DUSP22: variants seen among roughly 807,000 people sequenced by gnomAD.
DUSP22 encodes dual specificity phosphatase 22, also known as dual specificity protein phosphatase 22.
Under a neutral mutation model 24.5 loss-of-function variants are expected in DUSP22, and 24 were observed. That is an observed-to-expected ratio of 0.98 (90% CI 0.71 to 1.38). The LOEUF is 1.38. DUSP22 is among the 40% of genes most tolerant of loss of function. DUSP22 has a pLI of 0.00. For missense variants in DUSP22, 330 were observed against 269.2 expected, an observed-to-expected ratio of 1.23 and a Z score of -1.58; for synonymous variants, 160 against 106.4, an observed-to-expected ratio of 1.50 and a Z score of -3.10.
intron 3 of DUSP22, among the ~76,000 whole-genome samples, chr6:329,556 G>A (rs1365229627): frequency 1.3e-5 from 2 of 152,294 alleles, no homozygotes; most frequent in Non-Finnish European, 2.9e-5. Flanking sequence ...GGGTTCAAGC[G>A]ATTCTCCTGC....
At chr6:342,837 G>T (rs979260963) in intron 4 of DUSP22, among the ~76,000 whole-genome samples, 1 of 152,430 alleles carries the variant, frequency 6.6e-6, no homozygotes, top group Middle Eastern at 3.4e-3. Flanking sequence ...GGACAGAGCT[G>T]CAGGAAGACA....
At chr6:292,623 C>T in intron 1 of DUSP22, 63 bp downstream of exon 1, 3 of 1,557,654 alleles carry the variant, frequency 1.9e-6, no homozygotes, top group Non-Finnish European at 2.6e-6. Context: ...GTCTCGCCGG[C>T]GTCGGCTGCC....
At chr6:292,841 T>A (rs1467560103) in intron 1 of DUSP22, among the ~76,000 whole-genome samples, 1 of 152,294 alleles carries the variant, frequency 6.6e-6, no homozygotes, top group Non-Finnish European at 1.5e-5. Context: ...TTGAAAGCGT[T>A]GACACTTGTT....
At chr6:295,360 G>A (rs537365907) in intron 1 of DUSP22, among the ~76,000 whole-genome samples, 246 of 152,306 alleles carry the variant, frequency 1.6e-3, no homozygotes, top group African/African-American at 5.6e-3. Context: ...TCTTCTTGTC[G>A]GTCCGTTCCG....
intron 3 of DUSP22, among the ~76,000 whole-genome samples, chr6:333,309 G>C (rs1759216495): frequency 6.6e-6 from 1 of 152,294 alleles, no homozygotes; most frequent in Non-Finnish European, 1.5e-5. Flanking sequence ...AGCCCATTTG[G>C]TCTTAAGTGA....
intron 3 of DUSP22, among the ~76,000 whole-genome samples, chr6:324,075 C>G (rs919525998): frequency 6.6e-6 from 1 of 152,302 alleles, no homozygotes. Flanking sequence ...AAAAACTGTT[C>G]CTTTAAGCTG....
intron 3 of DUSP22, among the ~76,000 whole-genome samples, chr6:329,859 C>T (rs1335777086): frequency 6.6e-6 from 1 of 152,186 alleles, no homozygotes; most frequent in African/African-American, 2.4e-5. Flanking sequence ...GTGTTACAAG[C>T]TGTGACCTTG....
chr6:310,752 C>T (rs1440648149), intron 2 of DUSP22, among the ~76,000 whole-genome samples: 2 of 152,280 alleles, frequency 1.3e-5, no homozygotes, highest in African/African-American at 4.8e-5. Flanking sequence ...TTTAAATATC[C>T]CTAATATTAT....
rs1003371051 is a variant in DUSP22 at position 351,002 on chromosome 6, G to A, written c.*2051G>A. On this transcript the variant is annotated 3_prime_UTR_variant, in exon 7 of 7. Transcript: ENST00000419235. The stretch of plus-strand genomic sequence containing the variant: ...TTTTCATTTGAAGCTGAATATATAC[G>A]TAGTCATGTTTATGTTGAGAACTAA... The A allele has an allele frequency of 1.3e-4, 169 of 1,266,944 alleles. No individual in the cohort carries two copies. The highest frequency in any genetic ancestry group is 1.7e-4 in the Non-Finnish European group (149 of 883,782). The allele number at this position is 1,266,944 out of a possible 1,614,324, so 78.5% of individuals were successfully genotyped here. A position where few individuals can be genotyped will look rare whatever the true frequency, so the allele number is the denominator to read the frequency against.
At position 350,159 on chromosome 6, in the gene DUSP22, G is replaced by A. The variant is rs1357126231; in HGVS notation, c.*1208G>A. ...TCAGCTTTGCCTCACAGTTGAAAAT[G>A]TTCGGTCATGATTGCTTTTGAAACC... On this transcript the variant is annotated 3_prime_UTR_variant, in exon 7 of 7. Coordinates refer to ENST00000419235, the MANE Select transcript of DUSP22 (RefSeq NM_001286555.3). 3.0e-6 allele frequency: 3 copies of A among 986,142 alleles called. No homozygotes were observed. The African/African-American group carries it at 5.2e-5, about 17-fold the overall frequency. The allele number at this position is 986,142 out of a possible 1,614,324, so 61.1% of individuals were successfully genotyped here. A position where few individuals can be genotyped will look rare whatever the true frequency, so the allele number is the denominator to read the frequency against.
At chr6:307,134 G>A (rs1392350788) in intron 2 of DUSP22, among the ~76,000 whole-genome samples, 3 of 152,428 alleles carry the variant, frequency 2.0e-5, no homozygotes, top group African/African-American at 7.2e-5. Flanking sequence ...GCTGTCATCT[G>A]TGCTCTTGCC....
At chr6:308,066 G>A (rs1757899233) in intron 2 of DUSP22, among the ~76,000 whole-genome samples, 1 of 151,858 alleles carries the variant, frequency 6.6e-6, no homozygotes, top group Admixed American at 6.5e-5. Flanking sequence ...CCGGGCCAAA[G>A]GTCATTCCCT....
chr6:322,458 C>T (rs1373023538), intron 3 of DUSP22, among the ~76,000 whole-genome samples: 1 of 152,164 alleles, frequency 6.6e-6, no homozygotes, highest in Non-Finnish European at 1.5e-5. Context: ...AGTTTTGCTT[C>T]CCCCAAGCTG....
Position 349,270 on chromosome 6 carries a change from T to C in DUSP22, c.*319T>C. 1 of 1,312,636 alleles carries C rather than the reference T, an allele frequency of 7.6e-7. No homozygotes were observed. The allele number at this position is 1,312,636 out of a possible 1,614,324, so 81.3% of individuals were successfully genotyped here. A position where few individuals can be genotyped will look rare whatever the true frequency, so the allele number is the denominator to read the frequency against. On this transcript the variant is annotated 3_prime_UTR_variant, in exon 7 of 7. Transcript: ENST00000419235. ...GGATGCATGTGTGTGCCTGTGTGAG[T>C]GAGGGTATGTGCACCTAAGTGTGTA...
chr6:307,269 C>T (rs1482724501), intron 2 of DUSP22, among the ~76,000 whole-genome samples: 1 of 152,298 alleles, frequency 6.6e-6, no homozygotes, highest in African/African-American at 2.4e-5. Context: ...TGTCCCTTCT[C>T]CTTCCTCCCC....
At chr6:302,409 G>C (rs1757624163) in intron 1 of DUSP22, among the ~76,000 whole-genome samples, 1 of 152,304 alleles carries the variant, frequency 6.6e-6, no homozygotes, top group South Asian at 2.1e-4. Flanking sequence ...CCCTCCAGTA[G>C]AGACAAGACC....
At chr6:311,659 G>A (rs1025269571) in intron 2 of DUSP22, among the ~76,000 whole-genome samples, 82 of 151,606 alleles carry the variant, frequency 5.4e-4, no homozygotes, top group Admixed American at 1.3e-3. Flanking sequence ...CAGCCTGGGC[G>A]ACAGAGTGAG....
intron 3 of DUSP22, among the ~76,000 whole-genome samples, chr6:323,795 A>T (rs1271234571): frequency 6.6e-6 from 1 of 152,310 alleles, no homozygotes; most frequent in Non-Finnish European, 1.5e-5. Context: ...CTGACCTGGG[A>T]GGAGGCAGAG....
chr6:348,659 C>A, intron 6 of DUSP22, 110 bp from the exon 7 acceptor site: 2 of 1,529,352 alleles, frequency 1.3e-6, no homozygotes, highest in Admixed American at 3.7e-5. Flanking sequence ...CTGTTTGTTT[C>A]CCTGGTTATG....
Sources: gnomAD v4.1 joint callset for allele counts (sites outside exome capture counted in the v4.1 genomes callset) on GRCh38, gnomAD v4.1.1 for gene constraint, MANE v1.5 for transcripts, NCBI Gene and HGNC (gene_info 2026-07-23, HGNC 2026-07-21) for gene names.